Variants in PALLD observed in about 807,000 individuals in gnomAD.
PALLD encodes palladin.
A neutral mutation model predicts 123.5 loss-of-function variants in PALLD; 61 were observed. The ratio of observed to expected loss-of-function variants is 0.49; its 90% CI spans 0.40 to 0.61. The LOEUF is 0.61. PALLD is among the 20% of genes least tolerant of loss of function. PALLD has a pLI of 0.00. For synonymous variants in PALLD, 465 were observed against 496.4 expected (o/e 0.94, Z 0.84); for missense variants, 1,273 against 1,377.0 (o/e 0.92, Z 1.20).
intron 12 of PALLD, among the ~76,000 whole-genome samples, chr4:168,895,965 T>G (rs775906181): frequency 1.3e-5 from 2 of 152,194 alleles, no homozygotes; most frequent in Non-Finnish European, 2.9e-5. Context: ...TCCCAGCACT[T>G]TGGGAGGCCA....
intron 3 of PALLD, among the ~76,000 whole-genome samples, chr4:168,677,747 A>G (rs1354420094): frequency 1.3e-5 from 2 of 151,672 alleles, no homozygotes; most frequent in African/African-American, 4.9e-5. Context: ...TCTCCTCATC[A>G]CAGAGAAAAC....
intron 10 of PALLD, among the ~76,000 whole-genome samples, chr4:168,822,894 A>G (rs1453134679): frequency 6.6e-6 from 1 of 152,206 alleles, no homozygotes; most frequent in Non-Finnish European, 1.5e-5. Context: ...AATGGTAAAT[A>G]GAGAATAGGT....
Position 168,926,432 on chromosome 4 carries a change from G to T in PALLD, c.*252G>T. On this transcript the variant is annotated 3_prime_UTR_variant, in exon 22 of 22. Transcript: ENST00000505667. ...GAAACACTGAAACAGCCATTGCCTT[G>T]ACCAACATATTCCTTTGTCACATTA... 7.4e-7 allele frequency: 1 copy of T among 1,345,388 alleles called. No homozygotes were observed. The highest frequency in any genetic ancestry group is 1.3e-5 in the South Asian group (1 of 79,594). The allele number at this position is 1,345,388 out of a possible 1,614,324, so 83.3% of individuals were successfully genotyped here.
chr4:168,805,595 C>T (rs963314779), intron 10 of PALLD, among the ~76,000 whole-genome samples: 1 of 152,120 alleles, frequency 6.6e-6, no homozygotes. Context: ...CGTGTGTTTC[C>T]ACCAGTTGGA....
Position 168,795,710 on chromosome 4 carries a change from CTTT to C in PALLD, c.1964+83800_1964+83802del, listed in dbSNP as rs10632080. 7.8e-3 allele frequency among the ~76,000 whole-genome samples: 1,123 copies of C among 144,722 alleles called. 5 individuals are homozygous for C. The highest frequency in any genetic ancestry group is 0.029 in the Middle Eastern group (8 of 276). The allele number at this position is 144,722 out of a possible 152,430, so 94.9% of individuals were successfully genotyped here. A position where few individuals can be genotyped will look rare whatever the true frequency, so the allele number is the denominator to read the frequency against. ...CTGCTTTATATTTTTCCCTAATTGT[CTTT>C]TTTTTTTTTTTTGAGACAGGGCCTT... On this transcript the variant is annotated intron_variant, in intron 10 of 21. Coordinates refer to ENST00000505667, the MANE Select transcript of PALLD (RefSeq NM_001166108.2).
chr4:168,582,861 A>G (rs1770432955), intron 2 of PALLD, among the ~76,000 whole-genome samples: 1 of 152,146 alleles, frequency 6.6e-6, no homozygotes, highest in Non-Finnish European at 1.5e-5. Flanking sequence ...TGTTATATGC[A>G]TAGTTGCCTC....
intron 10 of PALLD, among the ~76,000 whole-genome samples, chr4:168,786,454 G>A (rs994703284): frequency 6.6e-6 from 1 of 151,688 alleles, no homozygotes; most frequent in Admixed American, 6.6e-5. Context: ...CCAGAAGATC[G>A]CTTGAGCCCA....
At chr4:168,731,268 A>G (rs571082409) in intron 10 of PALLD, among the ~76,000 whole-genome samples, 2 of 152,350 alleles carry the variant, frequency 1.3e-5, no homozygotes, top group South Asian at 4.1e-4. Flanking sequence ...GAACAAAAAT[A>G]AACACATCCA....
intron 10 of PALLD, among the ~76,000 whole-genome samples, chr4:168,714,838 G>A (rs1785187579): frequency 6.7e-6 from 1 of 149,306 alleles, no homozygotes; most frequent in African/African-American, 2.5e-5. Flanking sequence ...ATGTCTGGGG[G>A]AAAGAAGATC....
chr4:168,578,715 TAGAC>T (rs774619930), intron 2 of PALLD, among the ~76,000 whole-genome samples: 5 of 151,984 alleles, frequency 3.3e-5, no homozygotes, highest in South Asian at 2.1e-4. Context: ...ATTGATAGAA[TAGAC>T]AGATGATAGA....
At chr4:168,609,614 G>A (rs1773539243) in intron 2 of PALLD, among the ~76,000 whole-genome samples, 2 of 152,176 alleles carry the variant, frequency 1.3e-5, no homozygotes, top group Admixed American at 1.3e-4. Flanking sequence ...TAGGGGCAGA[G>A]CACAAGAGGT....
chr4:168,808,907 G>T (rs1477733749), intron 10 of PALLD, among the ~76,000 whole-genome samples: 1 of 152,186 alleles, frequency 6.6e-6, no homozygotes, highest in Admixed American at 6.5e-5. Context: ...TGAGATTTGG[G>T]TGGGGACACA....
chr4:168,685,120 C>T (rs1781903617), intron 5 of PALLD, among the ~76,000 whole-genome samples: 2 of 152,130 alleles, frequency 1.3e-5, no homozygotes, highest in African/African-American at 4.8e-5. Flanking sequence ...GGCTTTTATG[C>T]ATTGAATCCA....
intron 10 of PALLD, among the ~76,000 whole-genome samples, chr4:168,799,744 A>T (rs78687900): frequency 0.026 from 3,983 of 152,328 alleles, 157 homozygotes; most frequent in African/African-American, 0.089. Context: ...GGTGTATCTG[A>T]TGCTACTTTC....
In PALLD at chr4:168,921,626, C is replaced by T. The variant is rs775868002; in HGVS notation, c.2943C>T (p.Asn981=). The change falls in exon 18 of 22, where the codon AAC becomes AAT. Residue 981 remains asparagine (N), a synonymous_variant. Coordinates refer to ENST00000505667, the MANE Select transcript of PALLD (RefSeq NM_001166108.2). ...CTCACAAGATGCTGGTGCGTGAGAA[C>T]GGGGTGCACTCTCTGATCATAGAGC... ...DSAHKMLVRE[N]GVHSLIIEPV... 7 of 1,610,706 alleles carry T rather than the reference C, an allele frequency of 4.3e-6. No individual in the cohort carries two copies. The highest frequency in any genetic ancestry group is 2.2e-5 in the East Asian group (1 of 44,752).
At chr4:168,686,026 T>C (rs898427447) in intron 6 of PALLD, among the ~76,000 whole-genome samples, 1 of 152,080 alleles carries the variant, frequency 6.6e-6, no homozygotes, top group African/African-American at 2.4e-5. Context: ...TCCTTTTTCC[T>C]TCCTTTTTTT....
intron 2 of PALLD, among the ~76,000 whole-genome samples, chr4:168,645,367 C>T (rs1394010721): frequency 1.3e-5 from 2 of 152,134 alleles, no homozygotes; most frequent in African/African-American, 2.4e-5. Flanking sequence ...CCTCACCACC[C>T]GTATTAGTAA....
intron 2 of PALLD, among the ~76,000 whole-genome samples, chr4:168,538,373 C>T (rs767451962): frequency 2.6e-5 from 4 of 151,606 alleles, no homozygotes; most frequent in African/African-American, 7.3e-5. Flanking sequence ...AAGATTTAAC[C>T]GAATGAGAAA....
chr4:168,705,015 A>T (rs1332461512), intron 8 of PALLD, among the ~76,000 whole-genome samples: 1 of 152,168 alleles, frequency 6.6e-6, no homozygotes, highest in East Asian at 1.9e-4. Context: ...ATTCTATATT[A>T]TATTTCCTAC....
Sources: gnomAD v4.1 joint callset for allele counts (sites outside exome capture counted in the v4.1 genomes callset) on GRCh38, gnomAD v4.1.1 for gene constraint, MANE v1.5 for transcripts, NCBI Gene and HGNC (gene_info 2026-07-23, HGNC 2026-07-21) for gene names.